Variants in DLG2 observed in about 807,000 individuals in gnomAD.
DLG2 encodes disks large homolog 2.
Under a neutral mutation model 132.5 loss-of-function variants are expected in DLG2, and 45 were observed. The observed-to-expected ratio is 0.34, with a 90% confidence interval of 0.27 to 0.44. The LOEUF (loss-of-function observed/expected upper bound fraction) is 0.44. Among genes scored for constraint, DLG2 ranks in the 20% least tolerant of loss-of-function variants. The pLI, the probability that DLG2 is intolerant of heterozygous loss-of-function variation, is 1.00. For missense variants in DLG2, 1,045 were observed against 1,196.9 expected, an observed-to-expected ratio of 0.87 and a Z score of 1.87; for synonymous variants, 424 against 419.6, an observed-to-expected ratio of 1.01 and a Z score of -0.13.
At chr11:83,795,460 T>A (rs2042603308) in intron 17 of DLG2, among the ~76,000 whole-genome samples, 1 of 151,302 alleles carries the variant, frequency 6.6e-6, no homozygotes, top group African/African-American at 2.4e-5. Flanking sequence ...TATCTATATC[T>A]ATCTATTTGG....
At chr11:85,210,666 A>G (rs2152567185) in intron 4 of DLG2, among the ~76,000 whole-genome samples, 1 of 152,254 alleles carries the variant, frequency 6.6e-6, no homozygotes, top group African/African-American at 2.4e-5. Flanking sequence ...GCATGCTCTG[A>G]GGCCAAGCCT....
At chr11:85,614,929 G>A (rs1184647749) in intron 2 of DLG2, among the ~76,000 whole-genome samples, 3 of 152,148 alleles carry the variant, frequency 2.0e-5, no homozygotes, top group Non-Finnish European at 4.4e-5. Context: ...AAAGCATTAT[G>A]CCATATTGAA....
At chr11:85,281,192 C>T (rs1194448664) in intron 4 of DLG2, among the ~76,000 whole-genome samples, 1 of 152,016 alleles carries the variant, frequency 6.6e-6, no homozygotes, top group East Asian at 1.9e-4. Flanking sequence ...TATTTAAGAT[C>T]TTCCCAAGCT....
intron 3 of DLG2, among the ~76,000 whole-genome samples, chr11:85,570,324 A>C (rs563016871): frequency 2.7e-4 from 41 of 152,310 alleles, no homozygotes; most frequent in Non-Finnish European, 5.4e-4. Flanking sequence ...TCTATCCTCA[A>C]GAATATTCCA....
At chr11:85,540,110 G>A (rs1349178493) in intron 3 of DLG2, among the ~76,000 whole-genome samples, 1 of 152,198 alleles carries the variant, frequency 6.6e-6, no homozygotes, top group South Asian at 2.1e-4. Flanking sequence ...AAGCGGCAGG[G>A]GGGTGGTGCA....
chr11:84,669,414 A>T (rs909392195), intron 6 of DLG2, among the ~76,000 whole-genome samples: 7 of 152,160 alleles, frequency 4.6e-5, no homozygotes, highest in African/African-American at 1.7e-4. Flanking sequence ...TCCAAATACC[A>T]GACTGTCTAT....
At position 83,458,264 on chromosome 11, in the gene DLG2, A is replaced by C. The variant is rs941025355; in HGVS notation, c.*1554T>G. The C allele has an allele frequency of 1.3e-5, 2 of 152,642 alleles. No homozygotes were observed. Among genetic ancestry groups the C allele is most frequent in the Non-Finnish European group, 2.9e-5 (2 of 68,038 alleles). 9.5% of individuals were successfully genotyped at this position (152,642 alleles called of 1,614,324 possible). On this transcript the variant is annotated 3_prime_UTR_variant, in exon 28 of 28. Coordinates refer to ENST00000376104, the MANE Select transcript of DLG2 (RefSeq NM_001142699.3). ...CAATGCTGATGTCGCCATCCACTCT[A>C]AAGTGGGAAACCAACTCTTCTAGTT...
chr11:83,878,180 T>C (rs956314289), intron 15 of DLG2, among the ~76,000 whole-genome samples: 3 of 152,190 alleles, frequency 2.0e-5, no homozygotes, highest in Non-Finnish European at 4.4e-5. Flanking sequence ...TTTATTCACA[T>C]GCCCATTTCT....
At chr11:84,308,449 T>A (rs1260260167) in intron 7 of DLG2, among the ~76,000 whole-genome samples, 3 of 152,190 alleles carry the variant, frequency 2.0e-5, no homozygotes, top group African/African-American at 7.2e-5. Context: ...ATAAAGGTTC[T>A]CCAAGTCCCC....
In DLG2 at chr11:84,934,546, T is replaced by G. The variant is rs200377983; in HGVS notation, c.357+177115A>C. 4.5e-3 allele frequency among the ~76,000 whole-genome samples: 581 copies of G among 128,556 alleles called. 10 individuals carry two copies. Among genetic ancestry groups the G allele is most frequent in the Middle Eastern group, 0.016 (4 of 258 alleles). 84.3% of individuals were successfully genotyped at this position (128,556 alleles called of 152,430 possible). A position where few individuals can be genotyped will look rare whatever the true frequency, so the allele number is the denominator to read the frequency against. ...TTTTGTTTTTTTTTTTTTTTTTTTT[T>G]GGTGGGTAGGCTATTTATTACTGTC... is the stretch of plus-strand genomic sequence containing the variant. On this transcript the variant is annotated intron_variant, in intron 6 of 27. Transcript: ENST00000376104.
At chr11:85,185,813 A>T (rs1226608484) in intron 4 of DLG2, among the ~76,000 whole-genome samples, 1 of 151,868 alleles carries the variant, frequency 6.6e-6, no homozygotes, top group Non-Finnish European at 1.5e-5. Flanking sequence ...TATGTTAGTG[A>T]CTGCTAACTA....
intron 15 of DLG2, among the ~76,000 whole-genome samples, chr11:83,925,796 T>C (rs186736560): frequency 1.1e-3 from 174 of 152,098 alleles, no homozygotes; most frequent in Non-Finnish European, 2.2e-3. Context: ...GCCATAAATA[T>C]TGATAAAACA....
intron 6 of DLG2, among the ~76,000 whole-genome samples, chr11:84,821,176 TCTC>T (rs1282484349): frequency 6.6e-6 from 1 of 151,842 alleles, no homozygotes; most frequent in Non-Finnish European, 1.5e-5. Context: ...AAACAATAGT[TCTC>T]CTCCAAAGTA....
intron 8 of DLG2, among the ~76,000 whole-genome samples, chr11:84,175,005 A>G (rs2154274280): frequency 6.6e-6 from 1 of 152,338 alleles, no homozygotes; most frequent in Non-Finnish European, 1.5e-5. Flanking sequence ...TTATGCTTTC[A>G]TAAGCAATGT....
At chr11:83,705,638 GAAC>G (rs1444044224) in intron 18 of DLG2, among the ~76,000 whole-genome samples, 4 of 151,790 alleles carry the variant, frequency 2.6e-5, no homozygotes, top group East Asian at 1.9e-4. Flanking sequence ...CATTTAAAAA[GAAC>G]AACAAAATAA....
intron 18 of DLG2, among the ~76,000 whole-genome samples, chr11:83,718,167 C>T: frequency 6.6e-6 from 1 of 152,118 alleles, no homozygotes; most frequent in East Asian, 1.9e-4. Context: ...AAAGGGAGCA[C>T]CTCTCTGCTG....
At chr11:85,311,618 G>A (rs971795704) in intron 3 of DLG2, among the ~76,000 whole-genome samples, 21 of 151,852 alleles carry the variant, frequency 1.4e-4, no homozygotes, top group African/African-American at 3.6e-4. Context: ...TGAATAGCTC[G>A]AAATTCAGAA....
At chr11:84,947,160 C>T (rs770837288) in intron 6 of DLG2, among the ~76,000 whole-genome samples, 4 of 152,148 alleles carry the variant, frequency 2.6e-5, no homozygotes, top group Non-Finnish European at 4.4e-5. Context: ...TGTCTCCTTC[C>T]TTGATAGGAT....
intron 6 of DLG2, chr11:84,720,295 C>T (rs2061664383): frequency 1.0e-6 from 1 of 985,368 alleles, no homozygotes. Context: ...CCTCTTCCTA[C>T]CTTGCATCCA....
Sources: allele counts gnomAD v4.1 joint callset (sites outside exome capture counted in the v4.1 genomes callset), GRCh38; gene constraint gnomAD v4.1.1; transcripts MANE v1.5; gene names NCBI Gene and HGNC (gene_info 2026-07-23, HGNC 2026-07-21).